SRGN: variants seen among roughly 807,000 people sequenced by gnomAD.
SRGN encodes serglycin, also known as hematopoetic proteoglycan core peptide.
A neutral mutation model predicts 9.5 loss-of-function variants in SRGN; 2 were observed. That is an observed-to-expected ratio of 0.21 (90% confidence interval 0.09 to 0.66). SRGN has a LOEUF of 0.66. Among genes scored for constraint, SRGN ranks in the 30% least tolerant of loss-of-function variants. The pLI is 0.83. For missense variants in SRGN, 170 were observed against 192.4 expected (o/e 0.88, Z 0.69); for synonymous variants, 59 against 72.3 (o/e 0.82, Z 0.93).
intron 1 of SRGN, among the ~76,000 whole-genome samples, chr10:69,093,673 C>T (rs1840112923): frequency 6.6e-6 from 1 of 152,084 alleles, no homozygotes; most frequent in Admixed American, 6.6e-5. Context: ...GTCAGGAGAT[C>T]GAGACCTTCC....
Position 69,097,070 on chromosome 10 carries a change from G to T in SRGN, c.80-14G>T. 6.2e-7 allele frequency: 1 copy of T among 1,612,556 alleles called. No individual in the cohort carries two copies. Among genetic ancestry groups the T allele is most frequent in the East Asian group, 2.2e-5 (1 of 44,870 alleles). ...GTAGTAGATACTTAGTAACAATGTG[G>T]GTTCCTCGGGCAGGTTATCCTACGC... is the stretch of plus-strand genomic sequence containing the variant. On this transcript the variant is annotated splice_polypyrimidine_tract_variant and intron_variant, in intron 1 of 2. Coordinates refer to ENST00000242465, the MANE Select transcript of SRGN (RefSeq NM_002727.4).
At chr10:69,096,963 C>A in intron 1 of SRGN, 121 bp from the exon 2 acceptor site, 1 of 1,013,890 alleles carries the variant, frequency 9.9e-7, no homozygotes, top group Non-Finnish European at 1.4e-6. Context: ...TACTGCACTC[C>A]AGCTTGGGCA....
chr10:69,089,921 A>G (rs1049769547), intron 1 of SRGN, among the ~76,000 whole-genome samples: 2 of 151,958 alleles, frequency 1.3e-5, no homozygotes, highest in Non-Finnish European at 2.9e-5. Flanking sequence ...GAGAGAGAGA[A>G]AGAAAGGAAA....
At position 69,104,201 on chromosome 10, in the gene SRGN, A is replaced by G; in HGVS notation, c.*81A>G. 1 of 1,491,120 alleles carries G rather than the reference A, an allele frequency of 6.7e-7. No individual in the cohort carries two copies. Among genetic ancestry groups the G allele is most frequent in the Non-Finnish European group, 9.0e-7 (1 of 1,116,030 alleles). The allele number at this position is 1,491,120 out of a possible 1,614,324, so 92.4% of individuals were successfully genotyped here. A position where few individuals can be genotyped will look rare whatever the true frequency, so the allele number is the denominator to read the frequency against. ...ATGGTTATATGATTAATCTTGGGACAAAGAATTTTATAGAAATTTTTAAAC... is the reference window on the plus strand; with the variant it reads ...ATGGTTATATGATTAATCTTGGGACGAAGAATTTTATAGAAATTTTTAAAC... On this transcript the variant is annotated 3_prime_UTR_variant, in exon 3 of 3. Coordinates refer to ENST00000242465, the MANE Select transcript of SRGN (RefSeq NM_002727.4).
chr10:69,087,754 A>G (rs957561551), upstream of SRGN, among the ~76,000 whole-genome samples: 31 of 152,214 alleles, frequency 2.0e-4, no homozygotes, highest in Middle Eastern at 6.8e-3. Flanking sequence ...CCCTTATCTC[A>G]TAAAAAATGC....
intron 2 of SRGN, among the ~76,000 whole-genome samples, chr10:69,102,132 T>A (rs1840305563): frequency 6.6e-6 from 1 of 152,222 alleles, no homozygotes; most frequent in African/African-American, 2.4e-5. Context: ...TGTTTCTTCC[T>A]ACTTCTCTGG....
intron 2 of SRGN, among the ~76,000 whole-genome samples, chr10:69,101,073 C>T (rs1411460831): frequency 2.6e-5 from 4 of 151,458 alleles, no homozygotes; most frequent in African/African-American, 7.3e-5. Context: ...ACCTCTGCCT[C>T]CCGGGTTCAA....
chr10:69,097,985 C>T (rs569138736), intron 2 of SRGN, among the ~76,000 whole-genome samples: 55 of 152,172 alleles, frequency 3.6e-4, no homozygotes, highest in Non-Finnish European at 6.0e-4. Flanking sequence ...TTGGCTCTTA[C>T]TCTGCAGTAC....
intron 2 of SRGN, among the ~76,000 whole-genome samples, chr10:69,100,974 T>C (rs1486405454): frequency 2.1e-5 from 3 of 143,188 alleles, no homozygotes; most frequent in Non-Finnish European, 4.6e-5. Context: ...TATTTTTTTC[T>C]TTCTTTCTTT....
At chr10:69,101,822 G>A (rs1339426484) in intron 2 of SRGN, among the ~76,000 whole-genome samples, 4 of 152,176 alleles carry the variant, frequency 2.6e-5, no homozygotes, top group African/African-American at 9.7e-5. Flanking sequence ...CAAGGCAGGA[G>A]GATCACTTGA....
Position 69,103,863 on chromosome 10 carries a change from T to C in SRGN, c.228-8T>C. 6.2e-7 allele frequency: 1 copy of C among 1,610,520 alleles called. No homozygotes were observed. Among genetic ancestry groups the C allele is most frequent in the Non-Finnish European group, 8.5e-7 (1 of 1,177,408 alleles). The stretch of plus-strand genomic sequence containing the variant: ...TGGTTTTTTTCCCATTTTTCTTTCA[T>C]ACTTCAGAAAGACGAGAATCCAGGA... On this transcript the variant is annotated splice_region_variant and splice_polypyrimidine_tract_variant and intron_variant, in intron 2 of 2. Coordinates refer to ENST00000242465, the MANE Select transcript of SRGN (RefSeq NM_002727.4).
chr10:69,104,222 T>C lies in SRGN; in HGVS notation c.*102T>C. On this transcript the variant is annotated 3_prime_UTR_variant, in exon 3 of 3. Coordinates refer to ENST00000242465, the MANE Select transcript of SRGN (RefSeq NM_002727.4). ...GGACAAAGAATTTTATAGAAATTTT[T>C]AAACATCTGAAAAAGAAGCTTAAGT... The C allele has an allele frequency of 6.9e-7, 1 of 1,439,316 alleles. No homozygotes were observed. Among genetic ancestry groups the C allele is most frequent in the Non-Finnish European group, 9.3e-7 (1 of 1,074,136 alleles). The allele number at this position is 1,439,316 out of a possible 1,614,324, so 89.2% of individuals were successfully genotyped here. A position where few individuals can be genotyped will look rare whatever the true frequency, so the allele number is the denominator to read the frequency against.
At chr10:69,099,493 A>G (rs138669631) in intron 2 of SRGN, among the ~76,000 whole-genome samples, 1 of 151,940 alleles carries the variant, frequency 6.6e-6, no homozygotes, top group East Asian at 1.9e-4. Flanking sequence ...TTGTAGAGAC[A>G]GGGGTCTCTG....
Position 69,104,256 on chromosome 10 carries a change from C to G in SRGN, c.*136C>G. 1 of 1,191,232 alleles carries G rather than the reference C, an allele frequency of 8.4e-7. No individual in the cohort carries two copies. Among genetic ancestry groups the G allele is most frequent in the Non-Finnish European group, 1.2e-6 (1 of 864,574 alleles). The allele number at this position is 1,191,232 out of a possible 1,614,324, so 73.8% of individuals were successfully genotyped here. A position where few individuals can be genotyped will look rare whatever the true frequency, so the allele number is the denominator to read the frequency against. On this transcript the variant is annotated 3_prime_UTR_variant, in exon 3 of 3. Transcript: ENST00000242465. ...GAAAAAGAAGCTTAAGTTTTATCAT[C>G]CTTTTTTTTCTCATGAATTCTTAAA...
chr10:69,103,492 G>A (rs1262880799), intron 2 of SRGN, among the ~76,000 whole-genome samples: 1 of 152,064 alleles, frequency 6.6e-6, no homozygotes, highest in African/African-American at 2.4e-5. Context: ...GCAGTGAGCC[G>A]AGATGGCACC....
At chr10:69,089,136 A>G (rs921117339) in intron 1 of SRGN, among the ~76,000 whole-genome samples, 13 of 152,196 alleles carry the variant, frequency 8.5e-5, no homozygotes, top group African/African-American at 3.1e-4. Context: ...GTTTCGTCAA[A>G]GCGACTTTTG....
At chr10:69,095,435 C>T (rs1018977963) in intron 1 of SRGN, among the ~76,000 whole-genome samples, 1 of 151,972 alleles carries the variant, frequency 6.6e-6, no homozygotes, top group African/African-American at 2.4e-5. Flanking sequence ...TCCTGACTTT[C>T]AAGAATCCTA....
At chr10:69,093,014 T>C (rs1205200526) in intron 1 of SRGN, among the ~76,000 whole-genome samples, 1 of 152,196 alleles carries the variant, frequency 6.6e-6, no homozygotes, top group Non-Finnish European at 1.5e-5. Flanking sequence ...GGTGAAAAGA[T>C]GTGGTCTTTC....
chr10:69,102,133 A>G (rs1589332037), intron 2 of SRGN, among the ~76,000 whole-genome samples: 2 of 151,522 alleles, frequency 1.3e-5, no homozygotes, highest in Middle Eastern at 6.8e-3. Context: ...GTTTCTTCCT[A>G]CTTCTCTGGT....
Sources: allele counts gnomAD v4.1 joint callset (sites outside exome capture counted in the v4.1 genomes callset), GRCh38; gene constraint gnomAD v4.1.1; transcripts MANE v1.5; gene names NCBI Gene and HGNC (gene_info 2026-07-23, HGNC 2026-07-21).